Variants in GPN1 observed in about 807,000 individuals in gnomAD.
The protein encoded by GPN1 is GPN-loop GTPase 1, also known as ATP(GTP)-binding protein.
GPN1 carries 44 observed loss-of-function variants against 55.9 expected under a neutral mutation model. The ratio of observed to expected loss-of-function variants is 0.79; its 90% CI spans 0.62 to 1.01. GPN1 has a LOEUF of 1.01. Among genes scored for constraint, GPN1 ranks in the 50% least tolerant of loss-of-function variants. The probability of loss-of-function intolerance (pLI) is 0.00; values close to 1 mark genes in which losing one functional copy is unlikely to be tolerated. For synonymous variants in GPN1, 179 were observed against 162.5 expected, an observed-to-expected ratio of 1.10 and a Z score of -0.77; for missense variants, 466 against 462.8, an observed-to-expected ratio of 1.01 and a Z score of -0.06.
At chr2:27,647,671 T>G (rs1413296868) in intron 12 of GPN1, among the ~76,000 whole-genome samples, 165 bp from the exon 13 acceptor site, 1 of 152,244 alleles carries the variant, frequency 6.6e-6, no homozygotes, top group East Asian at 1.9e-4. Context: ...ACTAAGCTAT[T>G]ATAGAAATGT....
intron 8 of GPN1, 58 bp from the exon 9 acceptor site, chr2:27,638,827 G>T: frequency 6.9e-7 from 1 of 1,439,136 alleles, no homozygotes; most frequent in Non-Finnish European, 9.5e-7. Flanking sequence ...TTAATTAAAA[G>T]AATAAATTTT....
Position 27,650,228 on chromosome 2 carries a change from T to G in GPN1, c.*28T>G, listed in dbSNP as rs185455659. On this transcript the variant is annotated 3_prime_UTR_variant, in exon 14 of 14. Transcript: ENST00000610189. ...GACTTTAGCACACTTCACTTGTTTC[T>G]AGAAGTCCAGAATTTTGGACCTCCA... 47 of 1,358,960 alleles carry G rather than the reference T, an allele frequency of 3.5e-5. No homozygotes were observed. The East Asian group carries it at 1.1e-3, about 31-fold the overall frequency. The allele number at this position is 1,358,960 out of a possible 1,614,324, so 84.2% of individuals were successfully genotyped here.
Position 27,634,911 on chromosome 2 carries a change from T to C in GPN1, c.416T>C (p.Ile139Thr), listed in dbSNP as rs749472671. The change falls in exon 6 of 14, where the codon ATC (isoleucine) becomes ACC (threonine). Residue 139 changes from isoleucine to threonine, a missense_variant. Coordinates refer to ENST00000610189, the MANE Select transcript of GPN1 (RefSeq NM_007266.4). ...ACCTGGTCAGCTTCTGGGACAATTA[T>C]CACTGAAGCCCTTGTGAGTATTCTA... ...VFTWSASGTI[I>T]TEALASSFPT... The C allele has an allele frequency of 6.3e-7, 1 of 1,591,420 alleles. No homozygotes were observed.
intron 3 of GPN1, 142 bp downstream of exon 3, chr2:27,631,208 A>G (rs1673540783): frequency 4.7e-6 from 3 of 635,966 alleles, no homozygotes; most frequent in East Asian, 2.8e-5. Context: ...GAGGTAGGTG[A>G]TCAGAAATAC....
At chr2:27,639,485 C>G (rs78112911) in intron 9 of GPN1, among the ~76,000 whole-genome samples, 72 of 152,154 alleles carry the variant, frequency 4.7e-4, no homozygotes, top group African/African-American at 1.7e-3. Flanking sequence ...GATAATAAGT[C>G]CTGTTAATTG....
In GPN1 at chr2:27,632,640, A is replaced by C; in HGVS notation, c.320A>C (p.Lys107Thr). Residue 107 changes from lysine to threonine, a missense_variant, in exon 5 of 14, where the codon AAA (lysine) becomes ACA (threonine). Physicochemically the swap from Lys to Thr is moderately conservative, Grantham distance 78 (BLOSUM62 -1). Coordinates refer to ENST00000610189, the MANE Select transcript of GPN1 (RefSeq NM_007266.4). ...LFATRFDQVM[K>T]FIEKAQNMSK... ...GACATCTTTTTCTTTTAGGTGATGA[A>C]ATTTATTGAGAAGGCCCAGAACATG... is the stretch of plus-strand genomic sequence containing the variant. 6.2e-7 allele frequency: 1 copy of C among 1,601,374 alleles called. No individual in the cohort carries two copies. The highest frequency in any genetic ancestry group is 8.6e-7 in the Non-Finnish European group (1 of 1,168,522).
At chr2:27,630,827 C>T (rs1228199738) in intron 2 of GPN1, among the ~76,000 whole-genome samples, 200 bp from the exon 3 acceptor site, 1 of 152,130 alleles carries the variant, frequency 6.6e-6, no homozygotes, top group East Asian at 1.9e-4. Context: ...AAACTCTTTG[C>T]CACAACTTTA....
chr2:27,643,554 TC>T lies in GPN1; in HGVS notation c.931+1039del. On this transcript the variant is annotated intron_variant, in intron 12 of 13. Coordinates refer to ENST00000610189, the MANE Select transcript of GPN1 (RefSeq NM_007266.4). This position sits in a 1 kb window ranked among gnomAD's most constrained non-coding sequence, Gnocchi z 4.0. ...TAGATCTTATTCAGATGTAGCCATT[TC>T]CCCATGATAGCAGGAGAAAATCTGG... Among the ~76,000 whole-genome samples, 1 of 152,200 alleles carries T rather than the reference TC, an allele frequency of 6.6e-6. No individual in the cohort carries two copies. The highest frequency in any genetic ancestry group is 1.9e-4 in the East Asian group (1 of 5,196).
intron 8 of GPN1, 27 bp from the exon 9 acceptor site, chr2:27,638,858 C>T: frequency 1.9e-6 from 3 of 1,577,006 alleles, no homozygotes; most frequent in Non-Finnish European, 2.6e-6. Context: ...GCTCTGGTTG[C>T]TCATAATTGA....
At chr2:27,639,928 T>C in intron 9 of GPN1, 115 bp from the exon 10 acceptor site, 1 of 777,834 alleles carries the variant, frequency 1.3e-6, no homozygotes, top group Non-Finnish European at 2.2e-6. Flanking sequence ...TGCCAAAGAC[T>C]TCTCAAAATA....
At chr2:27,636,580 C>T (rs1391697267) in intron 7 of GPN1, among the ~76,000 whole-genome samples, 3 of 152,040 alleles carry the variant, frequency 2.0e-5, no homozygotes, top group Non-Finnish European at 4.4e-5. Context: ...CTGCAATTTC[C>T]GCCTACTGGG....
At chr2:27,642,958 T>TACACACACACACACACACAC (rs1553358324) in intron 12 of GPN1, among the ~76,000 whole-genome samples, 6 of 122,656 alleles carry the variant, frequency 4.9e-5, no homozygotes, top group South Asian at 5.6e-4. Context: ...TATATATATA[T>TACACACACACACACACACAC]ACACACACAC....
upstream of GPN1, chr2:27,628,858 C>T (rs749039588): frequency 1.4e-6 from 2 of 1,465,850 alleles, no homozygotes; most frequent in Non-Finnish European, 9.0e-7. Context: ...CTCGCTTGCT[C>T]AGCGCCCCCA....
rs1455473932 is a variant in GPN1, at chr2:27,629,053, A to G, written c.-6A>G. ...CTATGGTCGGGTGGGTGGGGCCAGG[A>G]GGAAGATGGCGGCGTCCGCAGCTGC... On this transcript the variant is annotated 5_prime_UTR_variant, in exon 1 of 14. Transcript: ENST00000610189. 6.2e-7 allele frequency: 1 copy of G among 1,614,116 alleles called. No homozygotes were observed. Among genetic ancestry groups the G allele is most frequent in the Non-Finnish European group, 8.5e-7 (1 of 1,180,022 alleles).
At chr2:27,640,603 T>C (rs988605407) in intron 10 of GPN1, among the ~76,000 whole-genome samples, 1 of 152,256 alleles carries the variant, frequency 6.6e-6, no homozygotes, top group African/African-American at 2.4e-5. Flanking sequence ...TGCTGACATA[T>C]AGTAAGCACA....
At chr2:27,648,541 A>G (rs1272186683) in intron 13 of GPN1, among the ~76,000 whole-genome samples, 1 of 152,182 alleles carries the variant, frequency 6.6e-6, no homozygotes, top group East Asian at 1.9e-4. Flanking sequence ...CAAATAATAC[A>G]TAAGGTTATA....
In GPN1 at chr2:27,629,293, C is replaced by G. The variant is rs1673433447; in HGVS notation, c.111+124C>G. On this transcript the variant is annotated intron_variant, in intron 1 of 13. Transcript: ENST00000610189. ...CCGGCGCATGGCTTTCGGGGGCTTC[C>G]CATCAACTTTAGTTCCTTCCCCGGC... 7.6e-6 allele frequency: 11 copies of G among 1,454,434 alleles called. No individual in the cohort carries two copies. The South Asian group carries it at 1.1e-4, about 14-fold the overall frequency. 90.1% of individuals were successfully genotyped at this position (1,454,434 alleles called of 1,614,324 possible). A position where few individuals can be genotyped will look rare whatever the true frequency, so the allele number is the denominator to read the frequency against.
intron 7 of GPN1, 81 bp downstream of exon 7, chr2:27,635,315 T>TTTTTTTTTA: frequency 1.4e-6 from 1 of 695,130 alleles, no homozygotes; most frequent in Non-Finnish European, 2.5e-6. Flanking sequence ...TTTTTTTTTT[T>TTTTTTTTTA]TGAATCTGGT....
chr2:27,642,633 G>A (rs1281928245), intron 12 of GPN1, 114 bp downstream of exon 12: 5 of 655,960 alleles, frequency 7.6e-6, no homozygotes, highest in East Asian at 3.1e-5. Flanking sequence ...CTGGAGTCTC[G>A]GCTCACCACA....
Sources: gnomAD v4.1 joint callset for allele counts (sites outside exome capture counted in the v4.1 genomes callset) on GRCh38, gnomAD v4.1.1 for gene constraint, Gnocchi (gnomAD v3.1) non-coding constraint, MANE v1.5 for transcripts, NCBI Gene and HGNC (gene_info 2026-07-23, HGNC 2026-07-21) for gene names.